The following RBFOX1 variants were observed in gnomAD, a reference collection of about 807,000 sequenced individuals.
The protein encoded by RBFOX1 is RNA binding protein fox-1 homolog 1.
A neutral mutation model predicts 57.7 loss-of-function variants in RBFOX1; 8 were observed. That is an observed-to-expected ratio of 0.14 (90% CI 0.08 to 0.25). The LOEUF is 0.25. Ranked by LOEUF, RBFOX1 falls within the 10% of genes least tolerant of loss-of-function variation. The pLI, the probability that RBFOX1 is intolerant of heterozygous loss-of-function variation, is 1.00. For synonymous variants in RBFOX1, 326 were observed against 222.4 expected (o/e 1.47, Z -4.15); for missense variants, 611 against 548.5 (o/e 1.11, Z -1.14).
intron 11 of RBFOX1, among the ~76,000 whole-genome samples, chr16:7,646,449 C>G (rs1337341365): frequency 1.3e-5 from 2 of 152,204 alleles, no homozygotes; most frequent in Non-Finnish European, 2.9e-5. Flanking sequence ...ACCCACAGAA[C>G]AATTTCACCC....
intron 4 of RBFOX1, among the ~76,000 whole-genome samples, chr16:7,280,990 T>TA (rs2095532692): frequency 1.6e-5 from 1 of 62,950 alleles, no homozygotes; most frequent in Non-Finnish European, 3.3e-5. Flanking sequence ...CCTCCCTCCC[T>TA]CCTTCCTTCC....
chr16:5,479,264 C>T (rs910299693), intron 2 of RBFOX1, among the ~76,000 whole-genome samples: 3 of 152,112 alleles, frequency 2.0e-5, no homozygotes, highest in Non-Finnish European at 4.4e-5. Context: ...TGTTGCCAAT[C>T]AGATGACATG....
At chr16:6,001,737 C>G (rs2060603342) in intron 4 of RBFOX1, among the ~76,000 whole-genome samples, 1 of 152,076 alleles carries the variant, frequency 6.6e-6, no homozygotes, top group Non-Finnish European at 1.5e-5. Context: ...AGAAAAATAT[C>G]AACTCTATAA....
At chr16:5,835,349 A>T (rs2056425057) in intron 3 of RBFOX1, among the ~76,000 whole-genome samples, 1 of 152,212 alleles carries the variant, frequency 6.6e-6, no homozygotes. Context: ...AGCATTGCAG[A>T]GCCTGAAGCC....
chr16:5,685,368 T>G (rs1366159126), intron 3 of RBFOX1, among the ~76,000 whole-genome samples: 1 of 152,196 alleles, frequency 6.6e-6, no homozygotes, highest in East Asian at 1.9e-4. Context: ...GAGGGGCTCT[T>G]ATGAGTAGAT....
intron 3 of RBFOX1, among the ~76,000 whole-genome samples, chr16:5,790,307 C>T (rs557298825): frequency 3.9e-5 from 6 of 152,150 alleles, no homozygotes; most frequent in South Asian, 2.1e-4. Context: ...AAGAATGACA[C>T]GTATATGGGA....
intron 3 of RBFOX1, among the ~76,000 whole-genome samples, chr16:6,749,212 G>A (rs893523502): frequency 6.6e-6 from 1 of 152,142 alleles, no homozygotes; most frequent in Admixed American, 6.6e-5. Flanking sequence ...TGCATTCCAG[G>A]CAAGATCGTG....
At chr16:6,010,287 C>T (rs1172738044) in intron 4 of RBFOX1, among the ~76,000 whole-genome samples, 1 of 152,292 alleles carries the variant, frequency 6.6e-6, no homozygotes, top group East Asian at 1.9e-4. Flanking sequence ...CCCAGGATAA[C>T]CAACCGTCAC....
intron 4 of RBFOX1, among the ~76,000 whole-genome samples, chr16:7,516,202 G>T (rs184026742): frequency 1.7e-4 from 26 of 152,070 alleles, no homozygotes; most frequent in Non-Finnish European, 3.5e-4. Flanking sequence ...GCCCATCACC[G>T]TGGAAAGAGA....
intron 1 of RBFOX1, among the ~76,000 whole-genome samples, chr16:5,262,834 G>T (rs1252400058): frequency 1.3e-5 from 2 of 152,146 alleles, no homozygotes; most frequent in African/African-American, 2.4e-5. Context: ...GGTGAAAATT[G>T]TATTTCTGGA....
intron 2 of RBFOX1, among the ~76,000 whole-genome samples, chr16:6,321,621 G>C (rs1479550520): frequency 5.9e-5 from 9 of 152,136 alleles, no homozygotes; most frequent in Admixed American, 1.3e-4. Flanking sequence ...TATTTCCATG[G>C]CATCTACTGT....
intron 2 of RBFOX1, among the ~76,000 whole-genome samples, chr16:5,517,172 A>C (rs1045257680): frequency 2.0e-5 from 3 of 152,158 alleles, no homozygotes; most frequent in African/African-American, 7.2e-5. Flanking sequence ...AAACTCCATT[A>C]GGCTAGCTCA....
intron 3 of RBFOX1, among the ~76,000 whole-genome samples, chr16:6,762,110 G>A (rs2076694375): frequency 6.6e-6 from 1 of 151,956 alleles, no homozygotes; most frequent in South Asian, 2.1e-4. Flanking sequence ...AGTTACCTTG[G>A]GAAATTAGCT....
intron 4 of RBFOX1, among the ~76,000 whole-genome samples, chr16:7,371,826 CA>C (rs1198943945): frequency 1.3e-5 from 2 of 152,104 alleles, no homozygotes; most frequent in Non-Finnish European, 2.9e-5. Context: ...CACATACTGA[CA>C]AAAAAAGCCA....
At chr16:6,521,555 T>C (rs1303805687) in intron 2 of RBFOX1, among the ~76,000 whole-genome samples, 4 of 142,990 alleles carry the variant, frequency 2.8e-5, no homozygotes, top group Non-Finnish European at 4.5e-5. Context: ...TCTCCTTCCC[T>C]CGCTCTCTTT....
intron 3 of RBFOX1, among the ~76,000 whole-genome samples, chr16:6,733,575 T>G (rs140647336): frequency 0.028 from 4,233 of 152,258 alleles, 181 homozygotes; most frequent in African/African-American, 0.092. Flanking sequence ...GGTTGTAGCC[T>G]GCAGTAGTTA....
At chr16:6,519,648 C>T (rs1368799797) in intron 2 of RBFOX1, among the ~76,000 whole-genome samples, 7 of 152,162 alleles carry the variant, frequency 4.6e-5, no homozygotes, top group African/African-American at 1.7e-4. Flanking sequence ...TTGCAGTGAG[C>T]TGAGATCACG....
intron 4 of RBFOX1, among the ~76,000 whole-genome samples, chr16:7,260,069 T>C (rs1369589880): frequency 2.0e-5 from 3 of 152,208 alleles, no homozygotes; most frequent in Non-Finnish European, 4.4e-5. Flanking sequence ...CTATTCACTG[T>C]TTTGTTTCTG....
At chr16:7,198,707 C>G (rs866996270) in intron 4 of RBFOX1, among the ~76,000 whole-genome samples, 2 of 152,172 alleles carry the variant, frequency 1.3e-5, no homozygotes, top group East Asian at 3.9e-4. Context: ...CACATGATAA[C>G]TAACTCACTG....
Sources: gnomAD v4.1 joint callset for allele counts (sites outside exome capture counted in the v4.1 genomes callset) on GRCh38, gnomAD v4.1.1 for gene constraint, MANE v1.5 for transcripts, NCBI Gene and HGNC (gene_info 2026-07-23, HGNC 2026-07-21) for gene names.